Variants in KCTD8 observed in about 807,000 individuals in gnomAD.
KCTD8 encodes potassium channel tetramerization domain containing 8, also known as BTB/POZ domain-containing protein KCTD8.
Under a neutral mutation model 31.5 loss-of-function variants are expected in KCTD8, and 27 were observed. That is an observed-to-expected ratio of 0.86 (90% CI 0.63 to 1.18). The LOEUF is 1.18. Among genes scored for constraint, KCTD8 ranks in the 50% most tolerant of loss-of-function variants. KCTD8 has a pLI of 0.00. For missense variants in KCTD8, 658 were observed against 647.7 expected, an observed-to-expected ratio of 1.02 and a Z score of -0.17; for synonymous variants, 290 against 280.0, an observed-to-expected ratio of 1.04 and a Z score of -0.36.
At chr4:44,256,146 C>A (rs1424321092) in intron 1 of KCTD8, among the ~76,000 whole-genome samples, 1 of 151,812 alleles carries the variant, frequency 6.6e-6, no homozygotes, top group Non-Finnish European at 1.5e-5. Context: ...GGGGAAAGAC[C>A]CATCCACATT....
intron 1 of KCTD8, among the ~76,000 whole-genome samples, chr4:44,389,061 A>T (rs1720300993): frequency 6.6e-6 from 1 of 151,780 alleles, no homozygotes; most frequent in African/African-American, 2.4e-5. Context: ...TATTTGTGGA[A>T]GCTAAAAATT....
intron 1 of KCTD8, among the ~76,000 whole-genome samples, chr4:44,399,477 G>GAAAAGGGTGAGATCTAACTC (rs1553905807): frequency 2.6e-5 from 4 of 152,180 alleles, no homozygotes; most frequent in Non-Finnish European, 5.9e-5. Context: ...CCCAGAGGCG[G>GAAAAGGGTGAGATCTAACTC]AAAAGGGTGA....
At chr4:44,273,214 T>C (rs1000976756) in intron 1 of KCTD8, among the ~76,000 whole-genome samples, 3 of 152,034 alleles carry the variant, frequency 2.0e-5, no homozygotes, top group Non-Finnish European at 2.9e-5. Flanking sequence ...ATGTGACATA[T>C]ATAATTCATC....
chr4:44,330,536 C>T (rs1718568211), intron 1 of KCTD8, among the ~76,000 whole-genome samples: 1 of 151,728 alleles, frequency 6.6e-6, no homozygotes, highest in African/African-American at 2.4e-5. Context: ...TGTATTACAA[C>T]AAAAAGTAAG....
intron 1 of KCTD8, among the ~76,000 whole-genome samples, chr4:44,432,736 C>T (rs1721536067): frequency 6.6e-6 from 1 of 151,676 alleles, no homozygotes; most frequent in African/African-American, 2.4e-5. Context: ...CCACACCAGA[C>T]TACCTCCAGT....
intron 1 of KCTD8, among the ~76,000 whole-genome samples, chr4:44,260,854 G>T (rs1034433524): frequency 6.6e-6 from 1 of 151,882 alleles, no homozygotes; most frequent in Admixed American, 6.6e-5. Context: ...GGAGTGGTAT[G>T]GTATGAGTTT....
At chr4:44,315,868 T>C (rs1718094078) in intron 1 of KCTD8, among the ~76,000 whole-genome samples, 1 of 152,168 alleles carries the variant, frequency 6.6e-6, no homozygotes, top group Non-Finnish European at 1.5e-5. Context: ...ATATACTTTG[T>C]TTTATTTCTT....
intron 1 of KCTD8, among the ~76,000 whole-genome samples, chr4:44,272,337 AT>A (rs1453314642): frequency 6.6e-6 from 1 of 151,786 alleles, no homozygotes; most frequent in African/African-American, 2.4e-5. Context: ...AAGCAAAAAA[AT>A]TTTTTTAAAA....
chr4:44,409,871 T>G (rs1720910346), intron 1 of KCTD8, among the ~76,000 whole-genome samples: 1 of 150,916 alleles, frequency 6.6e-6, no homozygotes, highest in East Asian at 1.9e-4. Flanking sequence ...GTAGGCATAA[T>G]GCCTAACATA....
chr4:44,220,395 A>G (rs1047505029), intron 1 of KCTD8, among the ~76,000 whole-genome samples: 2 of 152,230 alleles, frequency 1.3e-5, no homozygotes, highest in Non-Finnish European at 1.5e-5. Flanking sequence ...ATCTTTGAAG[A>G]GTTCACCAAT....
chr4:44,212,167 A>C (rs1714501130), intron 1 of KCTD8, among the ~76,000 whole-genome samples: 1 of 152,222 alleles, frequency 6.6e-6, no homozygotes. Context: ...AGGGTTACAT[A>C]AATCTACACA....
intron 1 of KCTD8, among the ~76,000 whole-genome samples, chr4:44,378,772 T>A (rs982227870): frequency 1.3e-5 from 2 of 152,164 alleles, no homozygotes; most frequent in African/African-American, 4.8e-5. Context: ...ACAAATTTTC[T>A]ACAGTTATAA....
rs573726911 is a variant in KCTD8, at chr4:44,218,160, G to A, written c.962-42910C>T. On this transcript the variant is annotated intron_variant, in intron 1 of 1. Transcript: ENST00000360029. ...TTTTTTTTTTTTTTTTTGAGATGGCGTCTTGCTCTGTCACCCAGGCTGGAG... is the reference window on the plus strand; with the variant it reads ...TTTTTTTTTTTTTTTTTGAGATGGCATCTTGCTCTGTCACCCAGGCTGGAG... Among the ~76,000 whole-genome samples, 36 of 112,128 alleles carry A rather than the reference G, an allele frequency of 3.2e-4. No individual in the cohort carries two copies. The South Asian group carries it at 7.2e-3, about 22-fold the overall frequency. 73.6% of individuals were successfully genotyped at this position (112,128 alleles called of 152,430 possible).
At chr4:44,427,822 T>C (rs1721384560) in intron 1 of KCTD8, among the ~76,000 whole-genome samples, 1 of 151,842 alleles carries the variant, frequency 6.6e-6, no homozygotes, top group Non-Finnish European at 1.5e-5. Context: ...ATACATTAAA[T>C]AGACAAAAAT....
At chr4:44,444,891 A>T (rs2109487151) in intron 1 of KCTD8, among the ~76,000 whole-genome samples, 1 of 152,314 alleles carries the variant, frequency 6.6e-6, no homozygotes, top group East Asian at 1.9e-4. Context: ...AAGGTGTTAA[A>T]GTGACTGATA....
intron 1 of KCTD8, among the ~76,000 whole-genome samples, chr4:44,206,043 A>T (rs1228055658): frequency 6.6e-6 from 1 of 152,206 alleles, no homozygotes; most frequent in East Asian, 1.9e-4. Flanking sequence ...TCTAGGGAAA[A>T]GAGCCTGGTA....
intron 1 of KCTD8, among the ~76,000 whole-genome samples, chr4:44,445,513 A>C (rs1158292156): frequency 1.3e-5 from 2 of 152,180 alleles, no homozygotes; most frequent in Non-Finnish European, 2.9e-5. Flanking sequence ...AATTTCAAAT[A>C]TCTCTCAAAT....
intron 1 of KCTD8, among the ~76,000 whole-genome samples, chr4:44,400,425 T>A (rs572831943): frequency 1.1e-3 from 162 of 149,686 alleles, no homozygotes; most frequent in African/African-American, 3.7e-3. Flanking sequence ...AAAAAAAAAA[T>A]AAAGATAAAT....
At chr4:44,263,623 C>T (rs1716247557) in intron 1 of KCTD8, among the ~76,000 whole-genome samples, 1 of 152,022 alleles carries the variant, frequency 6.6e-6, no homozygotes. Flanking sequence ...AGGAGAGCTA[C>T]AGGTGGCAGA....
Sources: gnomAD v4.1 joint callset for allele counts (sites outside exome capture counted in the v4.1 genomes callset) on GRCh38, gnomAD v4.1.1 for gene constraint, MANE v1.5 for transcripts, NCBI Gene and HGNC (gene_info 2026-07-23, HGNC 2026-07-21) for gene names.